TTYH2: variants seen among roughly 807,000 people sequenced by gnomAD.
TTYH2 encodes tweety family member 2.
TTYH2 carries 49 observed loss-of-function variants against 68.3 expected under a neutral mutation model. The observed-to-expected ratio is 0.72, with a 90% CI of 0.57 to 0.91. The LOEUF (loss-of-function observed/expected upper bound fraction) is 0.91, where lower values mean the gene tolerates loss of function less well. TTYH2 is among the 40% of genes least tolerant of loss of function. The pLI is 0.00. For synonymous variants in TTYH2, 272 were observed against 300.8 expected (o/e 0.90, Z 0.99); for missense variants, 631 against 700.4 (o/e 0.90, Z 1.12).
chr17:74,259,014 A>G (rs1025540475), intron 13 of TTYH2, among the ~76,000 whole-genome samples: 2 of 151,582 alleles, frequency 1.3e-5, no homozygotes, highest in Admixed American at 1.3e-4. Flanking sequence ...GGTCCTGTGG[A>G]CAAGATCCCC....
At chr17:74,250,861 A>G (rs1176474392) in intron 10 of TTYH2, 1 of 153,752 alleles carries the variant, frequency 6.5e-6, no homozygotes, top group Non-Finnish European at 1.4e-5. Context: ...GATTTAGTGC[A>G]GACAGTCTTT....
intron 3 of TTYH2, 98 bp downstream of exon 3, chr17:74,231,097 A>G (rs1191852065): frequency 8.8e-7 from 1 of 1,137,448 alleles, no homozygotes; most frequent in Admixed American, 1.9e-5. Context: ...GCTCAGCTGC[A>G]CACGGAGGGG....
chr17:74,238,068 A>G (rs2050461613), intron 4 of TTYH2, among the ~76,000 whole-genome samples: 1 of 152,048 alleles, frequency 6.6e-6, no homozygotes, highest in Non-Finnish European at 1.5e-5. Context: ...ATGTGCTCAC[A>G]CTCCCCGCGC....
chr17:74,237,340 T>C lies in TTYH2; in HGVS notation c.461T>C (p.Leu154Pro). The change falls in exon 4 of 14, where the codon CTG becomes CCG. Residue 154 changes from leucine to proline, a missense_variant. By Grantham distance (98) the Leu-to-Pro change is moderately conservative. Transcript: ENST00000269346. The stretch of plus-strand genomic sequence containing the variant: ...ATGAAGGTGGACCTAGAGCAGCACC[T>C]GGCCCGGCTCAGTGAGATCTTTGCT... Reference protein sequence around the residue: ...QKMKVDLEQHLARLSEIFAAR... With the variant: ...QKMKVDLEQHPARLSEIFAAR... The C allele has an allele frequency of 6.2e-7, 1 of 1,614,178 alleles. No homozygotes were observed. Among genetic ancestry groups the C allele is most frequent in the Non-Finnish European group, 8.5e-7 (1 of 1,180,030 alleles).
chr17:74,235,058 C>T (rs548352475), intron 3 of TTYH2, among the ~76,000 whole-genome samples: 41 of 152,262 alleles, frequency 2.7e-4, no homozygotes, highest in African/African-American at 9.4e-4. Context: ...TAGTCCTTAA[C>T]CAACTCGTAA....
intron 3 of TTYH2, among the ~76,000 whole-genome samples, chr17:74,231,328 G>GT (rs1208836939): frequency 6.6e-6 from 1 of 152,102 alleles, no homozygotes; most frequent in Non-Finnish European, 1.5e-5. Context: ...TGCATTTTTT[G>GT]TTTTCATTTT....
At chr17:74,246,959 G>GA (rs1226795492) in intron 6 of TTYH2, among the ~76,000 whole-genome samples, 1 of 152,060 alleles carries the variant, frequency 6.6e-6, no homozygotes, top group Non-Finnish European at 1.5e-5. Context: ...GAGGCAGGGG[G>GA]ATCACCTGAG....
At chr17:74,253,001 C>A in intron 11 of TTYH2, 80 bp from the exon 12 acceptor site, 1 of 1,473,818 alleles carries the variant, frequency 6.8e-7, no homozygotes, top group Non-Finnish European at 9.4e-7. Flanking sequence ...GGAGGAAAGG[C>A]AGGGAAGTAG....
Position 74,241,544 on chromosome 17 carries a change from C to T in TTYH2, c.636-1830C>T, listed in dbSNP as rs1187477180. Among the ~76,000 whole-genome samples, 1 of 152,174 alleles carries T rather than the reference C, an allele frequency of 6.6e-6. No individual in the cohort carries two copies. Among genetic ancestry groups the T allele is most frequent in the Non-Finnish European group, 1.5e-5 (1 of 68,034 alleles). On this transcript the variant is annotated intron_variant, in intron 4 of 13. Coordinates refer to ENST00000269346, the MANE Select transcript of TTYH2 (RefSeq NM_032646.6). The surrounding 1 kb of genome is among the most constrained non-coding windows in gnomAD (Gnocchi z 4.1). ...CTCAATTCGGGGAGTCAGAAAGAAC[C>T]TCCCTTGGCTGCCAGGCCTCCAGCT...
chr17:74,237,628 T>G (rs1353350080), intron 4 of TTYH2, 114 bp downstream of exon 4: 5 of 960,238 alleles, frequency 5.2e-6, no homozygotes, highest in East Asian at 5.3e-5. Context: ...AGTATTTTTT[T>G]TTTGTTTTGT....
chr17:74,213,794 C>A lies in TTYH2; in HGVS notation c.129+78C>A. The A allele has an allele frequency of 9.8e-6, 15 of 1,533,860 alleles. No homozygotes were observed. Among genetic ancestry groups the A allele is most frequent in the Middle Eastern group, 1.7e-4 (1 of 5,738 alleles). On this transcript the variant is annotated intron_variant, in intron 1 of 13. Coordinates refer to ENST00000269346, the MANE Select transcript of TTYH2 (RefSeq NM_032646.6). The surrounding 1 kb of genome is among the most constrained non-coding windows in gnomAD (Gnocchi z 6.1). Reference sequence around the variant, plus strand: ...TACCCCCTCTCCCCTCGAGAGCCTGCACTTTCCCACGTGCCTCTCAGACCC... The same window carrying A: ...TACCCCCTCTCCCCTCGAGAGCCTGAACTTTCCCACGTGCCTCTCAGACCC...
At chr17:74,219,536 C>T (rs1475390200) in intron 1 of TTYH2, among the ~76,000 whole-genome samples, 1 of 152,166 alleles carries the variant, frequency 6.6e-6, no homozygotes, top group Non-Finnish European at 1.5e-5. Flanking sequence ...TTCCTGACCC[C>T]CTAGAAGCCC....
rs1419479059 is a variant in TTYH2, at chr17:74,215,591, C to T, written c.129+1875C>T. 6 of 1,529,758 alleles carry T rather than the reference C, an allele frequency of 3.9e-6. No individual in the cohort carries two copies. The highest frequency in any genetic ancestry group is 4.4e-6 in the Non-Finnish European group (5 of 1,142,458). The allele number at this position is 1,529,758 out of a possible 1,614,324, so 94.8% of individuals were successfully genotyped here. On this transcript the variant is annotated intron_variant, in intron 1 of 13. Transcript: ENST00000269346. This position sits in a 1 kb window ranked among gnomAD's most constrained non-coding sequence, Gnocchi z 4.3. ...CTGGGCAGCTGACACCAGCCCTGCC[C>T]ACTGGCTCCTGGTCCCGCTCACCCC...
At position 74,213,980 on chromosome 17, in the gene TTYH2, A is replaced by C. The variant is rs1177337000; in HGVS notation, c.129+264A>C. ...TGGGGAAGGGGAGGAAGGGCGCAAGACCGCCTGCGGGGTGAGGGGCTGAAC... is the reference window on the plus strand; with the variant it reads ...TGGGGAAGGGGAGGAAGGGCGCAAGCCCGCCTGCGGGGTGAGGGGCTGAAC... On this transcript the variant is annotated intron_variant, in intron 1 of 13. Transcript: ENST00000269346. The surrounding 1 kb of genome is among the most constrained non-coding windows in gnomAD (Gnocchi z 6.1). 6.6e-6 allele frequency among the ~76,000 whole-genome samples: 1 copy of C among 151,374 alleles called. No homozygotes were observed. Among genetic ancestry groups the C allele is most frequent in the Non-Finnish European group, 1.5e-5 (1 of 67,826 alleles).
chr17:74,224,322 G>A (rs1364851717), intron 2 of TTYH2, among the ~76,000 whole-genome samples: 1 of 152,142 alleles, frequency 6.6e-6, no homozygotes, highest in Non-Finnish European at 1.5e-5. Context: ...AGGAGGCAGA[G>A]GCTACAGTGA....
At chr17:74,249,799 C>A in intron 8 of TTYH2, 137 bp from the exon 9 acceptor site, 2 of 979,718 alleles carry the variant, frequency 2.0e-6, no homozygotes, top group Non-Finnish European at 3.1e-6. Context: ...GCCTGTGCAG[C>A]TGCAGCCAGG....
chr17:74,243,243 G>A, intron 4 of TTYH2, 131 bp from the exon 5 acceptor site: 1 of 742,274 alleles, frequency 1.3e-6, no homozygotes, highest in Non-Finnish European at 2.3e-6. Context: ...CTGGGTGCTT[G>A]CTGGCTCTGG....
intron 12 of TTYH2, 93 bp downstream of exon 12, chr17:74,253,359 C>T (rs1598233932): frequency 1.4e-6 from 2 of 1,441,896 alleles, no homozygotes. Flanking sequence ...GGAAGGCATC[C>T]AAGGCCACCC....
chr17:74,229,668 A>C (rs1260325277), intron 2 of TTYH2, among the ~76,000 whole-genome samples: 1 of 152,242 alleles, frequency 6.6e-6, no homozygotes, highest in Non-Finnish European at 1.5e-5. Flanking sequence ...CCAGACAATG[A>C]AATATTATTC....
Sources: gnomAD v4.1 joint callset for allele counts (sites outside exome capture counted in the v4.1 genomes callset) on GRCh38, gnomAD v4.1.1 for gene constraint, Gnocchi (gnomAD v3.1) non-coding constraint, MANE v1.5 for transcripts, NCBI Gene and HGNC (gene_info 2026-07-23, HGNC 2026-07-21) for gene names.